The following MTRF1 variants were observed in gnomAD, a reference collection of about 807,000 sequenced individuals.
MTRF1 encodes mitochondrial translation release factor 1, also known as peptide chain release factor 1, mitochondrial.
A neutral mutation model predicts 62.9 loss-of-function variants in MTRF1; 51 were observed. The observed-to-expected ratio is 0.81, with a 90% CI of 0.65 to 1.02. The LOEUF is 1.02. Among genes scored for constraint, MTRF1 ranks in the 50% least tolerant of loss-of-function variants. The pLI, the probability that MTRF1 is intolerant of heterozygous loss-of-function variation, is 0.00. For synonymous variants in MTRF1, 158 were observed against 181.9 expected (o/e 0.87, Z 1.06); for missense variants, 446 against 530.0 (o/e 0.84, Z 1.56).
At chr13:41,295,113 C>G in the MTRF1 span, among the ~76,000 whole-genome samples, 1 of 152,142 alleles carries the variant, frequency 6.6e-6, no homozygotes, top group Non-Finnish European at 1.5e-5. Flanking sequence ...AAAGGTACAT[C>G]TTTTTGCTTG....
At chr13:41,307,260 G>A in the MTRF1 span, among the ~76,000 whole-genome samples, 3 of 152,196 alleles carry the variant, frequency 2.0e-5, no homozygotes, top group South Asian at 6.2e-4. Context: ...GAGGTGACTG[G>A]ATCATGGGGA....
At chr13:41,273,506 TCAGAG>T in the MTRF1 span, among the ~76,000 whole-genome samples, 4 of 152,008 alleles carry the variant, frequency 2.6e-5, no homozygotes, top group Non-Finnish European at 2.9e-5. Flanking sequence ...CCCAAGGTGA[TCAGAG>T]CATAGTTTGG....
chr13:41,228,802 G>A (rs773694475), intron 7 of MTRF1, among the ~76,000 whole-genome samples: 21 of 151,816 alleles, frequency 1.4e-4, no homozygotes, highest in Non-Finnish European at 2.8e-4. Flanking sequence ...GCAGTGGTTA[G>A]AAAAAAAATA....
chr13:41,279,006 G>T, the MTRF1 span, among the ~76,000 whole-genome samples: 43 of 151,044 alleles, frequency 2.8e-4, no homozygotes, highest in African/African-American at 1.0e-3. Context: ...TATTTTTTTT[G>T]AGATGAAGTT....
In MTRF1 at chr13:41,252,766, C is replaced by A. The variant is rs745720902; in HGVS notation, c.590-14G>T. 1.2e-6 allele frequency: 2 copies of A among 1,607,490 alleles called. No homozygotes were observed. Among genetic ancestry groups the A allele is most frequent in the South Asian group, 1.1e-5 (1 of 90,804 alleles). On this transcript the variant is annotated splice_polypyrimidine_tract_variant and intron_variant, in intron 4 of 9. Coordinates refer to ENST00000379480, the MANE Select transcript of MTRF1 (RefSeq NM_004294.4). ...GGCAGATGTCACCTAAAACAAAATACGAAAAATATTTAGTCAGGACAAATT... is the reference window on the plus strand; with the variant it reads ...GGCAGATGTCACCTAAAACAAAATAAGAAAAATATTTAGTCAGGACAAATT...
At chr13:41,248,233 T>C (rs2038544801) in intron 5 of MTRF1, among the ~76,000 whole-genome samples, 2 of 152,174 alleles carry the variant, frequency 1.3e-5, no homozygotes, top group Admixed American at 1.3e-4. Context: ...GTGATTCTCC[T>C]ATCTCAGCCT....
the MTRF1 span, among the ~76,000 whole-genome samples, chr13:41,302,887 T>C: frequency 1.3e-5 from 2 of 152,142 alleles, no homozygotes; most frequent in Admixed American, 1.3e-4. Flanking sequence ...AAGTTGATTA[T>C]AAAATTTTGA....
At chr13:41,289,581 T>C in the MTRF1 span, among the ~76,000 whole-genome samples, 16 of 152,172 alleles carry the variant, frequency 1.1e-4, no homozygotes, top group Non-Finnish European at 1.9e-4. Flanking sequence ...AGCTCAGTGG[T>C]TGGACCGAGA....
the MTRF1 span, chr13:41,288,267 G>A: frequency 6.1e-4 from 190 of 312,510 alleles, 1 homozygote; most frequent in South Asian, 1.8e-3. Flanking sequence ...TGATTAGTAG[G>A]CAAGTTTTAC....
At chr13:41,257,279 G>A (rs190239464) in intron 2 of MTRF1, among the ~76,000 whole-genome samples, 5 of 152,320 alleles carry the variant, frequency 3.3e-5, no homozygotes, top group Admixed American at 3.3e-4. Flanking sequence ...GAACAGGTGA[G>A]TAACATGAAT....
chr13:41,250,093 C>T (rs1000827704), intron 5 of MTRF1, among the ~76,000 whole-genome samples: 2 of 152,106 alleles, frequency 1.3e-5, no homozygotes, highest in African/African-American at 4.8e-5. Flanking sequence ...AATCTCTCTT[C>T]CTGTTATTGA....
At chr13:41,287,841 A>G in the MTRF1 span, 2 of 307,756 alleles carry the variant, frequency 6.5e-6, no homozygotes, top group Non-Finnish European at 6.6e-6. Flanking sequence ...TCGCTATGTG[A>G]GAGCCAAGCA....
chr13:41,267,755 A>G (rs1384604049), upstream of MTRF1, among the ~76,000 whole-genome samples: 1 of 151,962 alleles, frequency 6.6e-6, no homozygotes, highest in Admixed American at 6.6e-5. Flanking sequence ...GGTCCCAGCT[A>G]CTTTGGAGGC....
At chr13:41,261,365 A>G (rs1223340327) in intron 1 of MTRF1, 2 of 94,170 alleles carry the variant, frequency 2.1e-5, no homozygotes, top group African/African-American at 7.2e-5. Context: ...TGCCTACAGA[A>G]AGAACATAAT....
chr13:41,223,447 T>G, intron 8 of MTRF1, 93 bp from the exon 9 acceptor site: 1 of 982,590 alleles, frequency 1.0e-6, no homozygotes, highest in South Asian at 1.5e-5. Context: ...TTTCAACAAT[T>G]TAGATACTTT....
the MTRF1 span, among the ~76,000 whole-genome samples, chr13:41,281,493 C>G: frequency 6.6e-6 from 1 of 152,114 alleles, no homozygotes; most frequent in Non-Finnish European, 1.5e-5. Context: ...CGAGTGCTAC[C>G]AGTATCAGAC....
At chr13:41,290,959 G>A in the MTRF1 span, among the ~76,000 whole-genome samples, 3 of 151,066 alleles carry the variant, frequency 2.0e-5, no homozygotes, top group Non-Finnish European at 4.4e-5. Flanking sequence ...AGCCAGGCGT[G>A]ATGGTGCATG....
At chr13:41,244,844 T>C (rs1389802702) in intron 5 of MTRF1, among the ~76,000 whole-genome samples, 1 of 152,196 alleles carries the variant, frequency 6.6e-6, no homozygotes, top group Non-Finnish European at 1.5e-5. Context: ...TGAGACACCC[T>C]GTGCCACTCA....
chr13:41,266,564 G>A (rs1454806263), upstream of MTRF1, among the ~76,000 whole-genome samples: 3 of 152,108 alleles, frequency 2.0e-5, no homozygotes, highest in African/African-American at 7.2e-5. Flanking sequence ...GTGAGCTATG[G>A]TGCCACCTCA....
Sources: gnomAD v4.1 joint callset for allele counts (sites outside exome capture counted in the v4.1 genomes callset) on GRCh38, gnomAD v4.1.1 for gene constraint, MANE v1.5 for transcripts, NCBI Gene and HGNC (gene_info 2026-07-23, HGNC 2026-07-21) for gene names.